Variants in FILIP1 observed in about 807,000 individuals in gnomAD.
FILIP1 encodes the protein filamin A interacting protein 1, also known as filamin-A-interacting protein 1.
FILIP1 carries 61 observed loss-of-function variants against 102.1 expected under a neutral mutation model. The observed-to-expected ratio is 0.60, with a 90% CI of 0.49 to 0.74. FILIP1 has a LOEUF of 0.74. Among genes scored for constraint, FILIP1 ranks in the 30% least tolerant of loss-of-function variants. FILIP1 has a pLI of 0.00. For synonymous variants in FILIP1, 491 were observed against 526.9 expected, an observed-to-expected ratio of 0.93 and a Z score of 0.93; for missense variants, 1,314 against 1,441.2, an observed-to-expected ratio of 0.91 and a Z score of 1.43.
chr6:75,472,916 A>C (rs1234059572), intron 1 of FILIP1, among the ~76,000 whole-genome samples: 2 of 152,220 alleles, frequency 1.3e-5, no homozygotes, highest in Non-Finnish European at 2.9e-5. Context: ...AGCCTCATAA[A>C]GATTGAAAGA....
At chr6:75,480,849 A>G (rs921240722) in intron 1 of FILIP1, among the ~76,000 whole-genome samples, 1 of 152,214 alleles carries the variant, frequency 6.6e-6, no homozygotes, top group East Asian at 1.9e-4. Context: ...TGTGATGAGC[A>G]TATGTATGTA....
At chr6:75,308,047 T>A (rs1209121165), downstream of FILIP1, 1 of 985,854 alleles carries the variant, frequency 1.0e-6, no homozygotes, top group African/African-American at 1.7e-5. Context: ...ACTTCTACAA[T>A]ACACACAGAC....
chr6:75,408,196 A>G (rs1311299404), intron 2 of FILIP1, among the ~76,000 whole-genome samples: 3 of 152,218 alleles, frequency 2.0e-5, no homozygotes, highest in Non-Finnish European at 4.4e-5. Flanking sequence ...ACAGAGGTAT[A>G]ATAATGGAAA....
At position 75,326,075 on chromosome 6, in the gene FILIP1, T is replaced by C. The variant is rs1024192205; in HGVS notation, c.630-10873A>G. On this transcript the variant is annotated intron_variant, in intron 4 of 5. Coordinates refer to ENST00000237172, the MANE Select transcript of FILIP1 (RefSeq NM_015687.5). ...TAATAGACAGATGATAGATGATAGATAGATAGATAGATAGATAGATTAGAT... is the reference window on the plus strand; with the variant it reads ...TAATAGACAGATGATAGATGATAGACAGATAGATAGATAGATAGATTAGAT... Among the ~76,000 whole-genome samples, 4 of 139,062 alleles carry C rather than the reference T, an allele frequency of 2.9e-5. No individual in the cohort carries two copies. In the East Asian group the frequency reaches 6.0e-4, roughly 21 times the overall value. The allele number at this position is 139,062 out of a possible 152,430, so 91.2% of individuals were successfully genotyped here. A position where few individuals can be genotyped will look rare whatever the true frequency, so the allele number is the denominator to read the frequency against.
chr6:75,352,451 T>A (rs1774840535), intron 4 of FILIP1, among the ~76,000 whole-genome samples: 1 of 152,126 alleles, frequency 6.6e-6, no homozygotes, highest in African/African-American at 2.4e-5. Context: ...TAAAGAAGAA[T>A]GTATTATAAA....
At chr6:75,336,555 G>A (rs572758066) in intron 4 of FILIP1, among the ~76,000 whole-genome samples, 33 of 152,028 alleles carry the variant, frequency 2.2e-4, no homozygotes, top group African/African-American at 7.2e-4. Flanking sequence ...ACAATCAAGC[G>A]GCAGGCATCT....
chr6:75,411,150 T>G (rs1777054423), intron 2 of FILIP1, among the ~76,000 whole-genome samples: 1 of 152,252 alleles, frequency 6.6e-6, no homozygotes, highest in Admixed American at 6.5e-5. Context: ...GTGGTTTCGA[T>G]TTGCATTTGT....
At position 75,391,486 on chromosome 6, in the gene FILIP1, T is replaced by C. The variant is rs376648436; in HGVS notation, c.276+23211A>G. 4.6e-5 allele frequency among the ~76,000 whole-genome samples: 7 copies of C among 152,222 alleles called. No individual in the cohort carries two copies. In the East Asian group the frequency reaches 9.7e-4, roughly 21 times the overall value. On this transcript the variant is annotated intron_variant, in intron 2 of 5. Coordinates refer to ENST00000237172, the MANE Select transcript of FILIP1 (RefSeq NM_015687.5). Reference sequence around the variant, plus strand: ...ATTGCTCCCTGACTCACCAAGAAAATTGAAACAATTTGGGAAGAATTTCCA... The same window carrying C: ...ATTGCTCCCTGACTCACCAAGAAAACTGAAACAATTTGGGAAGAATTTCCA...
At chr6:75,380,990 A>G (rs1200010697) in intron 2 of FILIP1, among the ~76,000 whole-genome samples, 1 of 152,018 alleles carries the variant, frequency 6.6e-6, no homozygotes. Context: ...CCTCCTAAGG[A>G]GACTTTTTAG....
At chr6:75,361,917 A>T (rs1018493292) in intron 3 of FILIP1, 3 of 152,202 alleles carry the variant, frequency 2.0e-5, no homozygotes, top group African/African-American at 7.2e-5. Flanking sequence ...GGGACCATCA[A>T]TCTGTTGTGA....
chr6:75,297,499 A>G (rs1250287300), intron 6 of FILIP1, among the ~76,000 whole-genome samples: 3 of 152,164 alleles, frequency 2.0e-5, no homozygotes, highest in African/African-American at 7.2e-5. Context: ...ATATTTAGCT[A>G]TGAAGGTTTT....
chr6:75,371,713 A>G (rs1775524842), intron 2 of FILIP1, among the ~76,000 whole-genome samples: 1 of 152,242 alleles, frequency 6.6e-6, no homozygotes, highest in Non-Finnish European at 1.5e-5. Context: ...AAGATCTCTC[A>G]GTGGGGAAAG....
chr6:75,401,813 A>T (rs533164720), intron 2 of FILIP1, among the ~76,000 whole-genome samples: 1 of 152,178 alleles, frequency 6.6e-6, no homozygotes, highest in African/African-American at 2.4e-5. Flanking sequence ...CCCACTTAAC[A>T]TACATTTCTC....
chr6:75,300,640 A>C (rs1315636332), intron 6 of FILIP1, among the ~76,000 whole-genome samples: 1 of 152,180 alleles, frequency 6.6e-6, no homozygotes, highest in Non-Finnish European at 1.5e-5. Flanking sequence ...TTTAAATAGG[A>C]AGTTCAAGAA....
At chr6:75,300,799 AATTT>A (rs1374962829) in intron 6 of FILIP1, among the ~76,000 whole-genome samples, 3 of 152,144 alleles carry the variant, frequency 2.0e-5, no homozygotes, top group South Asian at 2.1e-4. Flanking sequence ...ACCACCTAAT[AATTT>A]ATTTGCTTCC....
intron 1 of FILIP1, among the ~76,000 whole-genome samples, chr6:75,480,867 G>A (rs950198137): frequency 1.3e-5 from 2 of 152,148 alleles, no homozygotes; most frequent in Admixed American, 6.5e-5. Context: ...GTATATAGCA[G>A]ACCCTCTTCA....
At chr6:75,410,927 T>A (rs1347021335) in intron 2 of FILIP1, among the ~76,000 whole-genome samples, 2 of 152,338 alleles carry the variant, frequency 1.3e-5, no homozygotes, top group African/African-American at 4.8e-5. Flanking sequence ...ATCCTTTGGG[T>A]ATATACCCAG....
intron 1 of FILIP1, among the ~76,000 whole-genome samples, chr6:75,432,103 C>A (rs1458570012): frequency 6.6e-6 from 1 of 152,094 alleles, no homozygotes. Context: ...TTCAGTTTTA[C>A]CAAAATAGTT....
chr6:75,328,503 G>C (rs62414164), intron 4 of FILIP1, among the ~76,000 whole-genome samples: 5,033 of 124,488 alleles, frequency 0.04, 213 homozygotes, highest in East Asian at 0.12. Flanking sequence ...TTGTTTGTTT[G>C]TTTCTTTTGA....
Sources: gnomAD v4.1 joint callset for allele counts (sites outside exome capture counted in the v4.1 genomes callset) on GRCh38, gnomAD v4.1.1 for gene constraint, MANE v1.5 for transcripts, NCBI Gene and HGNC (gene_info 2026-07-23, HGNC 2026-07-21) for gene names.